NELL1: variants seen among roughly 807,000 people sequenced by gnomAD.
NELL1 encodes protein kinase C-binding protein NELL1.
Under a neutral mutation model 107.4 loss-of-function variants are expected in NELL1, and 76 were observed. The observed-to-expected ratio is 0.71, with a 90% CI of 0.59 to 0.86. The LOEUF is 0.86. Among genes scored for constraint, NELL1 ranks in the 40% least tolerant of loss-of-function variants. The pLI is 0.00. For synonymous variants in NELL1, 353 were observed against 341.2 expected (o/e 1.03, Z -0.38); for missense variants, 1,024 against 1,005.5 (o/e 1.02, Z -0.25).
chr11:21,015,401 C>T (rs1205352511), intron 12 of NELL1, among the ~76,000 whole-genome samples: 1 of 152,070 alleles, frequency 6.6e-6, no homozygotes, highest in Non-Finnish European at 1.5e-5. Flanking sequence ...TACCCTTTTC[C>T]CTGTGCTCAT....
Position 21,282,426 on chromosome 11 carries a change from G to C in NELL1, c.1549+52972G>C, listed in dbSNP as rs187083486. 8.2e-5 allele frequency among the ~76,000 whole-genome samples: 12 copies of C among 146,252 alleles called. No individual in the cohort carries two copies. In the East Asian group the frequency reaches 2.4e-3, roughly 29 times the overall value. ...GCTTGAGAGGTGGAGGTTGTAGTGA[G>C]CTGACATCATACCATGCACTCCAGC... On this transcript the variant is annotated intron_variant, in intron 14 of 19. Transcript: ENST00000357134.
intron 12 of NELL1, among the ~76,000 whole-genome samples, chr11:21,071,595 GGA>G (rs1854017110): frequency 6.6e-6 from 1 of 152,068 alleles, no homozygotes; most frequent in Admixed American, 6.6e-5. Flanking sequence ...GTGTAGCTTT[GGA>G]CAAAACAGTC....
At chr11:21,572,452 A>G (rs1031425042) in intron 18 of NELL1, among the ~76,000 whole-genome samples, 1 of 151,956 alleles carries the variant, frequency 6.6e-6, no homozygotes, top group African/African-American at 2.4e-5. Flanking sequence ...AGTCTTATGG[A>G]GATGACTGAA....
rs193257387 is a variant in NELL1, at chr11:21,209,348, T to A, written c.1427-19984T>A. Among the ~76,000 whole-genome samples the A allele has an allele frequency of 4.4e-3, 610 of 138,202 alleles. 5 individuals are homozygous for A. The highest frequency in any genetic ancestry group is 0.015 in the African/African-American group (572 of 37,394). The allele number at this position is 138,202 out of a possible 152,430, so 90.7% of individuals were successfully genotyped here. A position where few individuals can be genotyped will look rare whatever the true frequency, so the allele number is the denominator to read the frequency against. On this transcript the variant is annotated intron_variant, in intron 13 of 19. Coordinates refer to ENST00000357134, the MANE Select transcript of NELL1 (RefSeq NM_006157.5). Reference sequence around the variant, plus strand: ...TGTATATATTATATATATATATATATAAAATACATAATTACTTCTTACCCC... The same window carrying A: ...TGTATATATTATATATATATATATAAAAAATACATAATTACTTCTTACCCC...
chr11:20,797,294 G>T (rs912329494), intron 3 of NELL1, among the ~76,000 whole-genome samples: 2 of 152,172 alleles, frequency 1.3e-5, no homozygotes, highest in Non-Finnish European at 2.9e-5. Flanking sequence ...GCCGGGCGCG[G>T]TGGCTCGCGC....
chr11:20,872,602 AAGTCCTGAAAG>A, intron 4 of NELL1, among the ~76,000 whole-genome samples: 1 of 151,976 alleles, frequency 6.6e-6, no homozygotes, highest in Non-Finnish European at 1.5e-5. Flanking sequence ...GTGGTTTCCA[AAGTCCTGAAAG>A]AGTCAGAAAG....
chr11:21,265,222 G>A (rs1375502378), intron 14 of NELL1, among the ~76,000 whole-genome samples: 1 of 151,976 alleles, frequency 6.6e-6, no homozygotes, highest in African/African-American at 2.4e-5. Context: ...AATTCAGCAT[G>A]AATAATGTGA....
intron 12 of NELL1, among the ~76,000 whole-genome samples, chr11:21,112,540 T>C (rs1054639587): frequency 6.6e-5 from 10 of 152,050 alleles, no homozygotes; most frequent in Admixed American, 2.6e-4. Flanking sequence ...TCTAACAGGA[T>C]GACTTTATGC....
At chr11:20,831,379 T>C (rs796862934) in intron 3 of NELL1, among the ~76,000 whole-genome samples, 53 of 152,292 alleles carry the variant, frequency 3.5e-4, no homozygotes, top group African/African-American at 1.2e-3. Flanking sequence ...AGGAACACTT[T>C]TAAAGTGTTT....
chr11:20,913,972 A>G (rs1052406712), intron 5 of NELL1, among the ~76,000 whole-genome samples: 1 of 152,086 alleles, frequency 6.6e-6, no homozygotes, highest in Non-Finnish European at 1.5e-5. Flanking sequence ...ATTGGTATCT[A>G]TCTATTAAGG....
intron 13 of NELL1, 69 bp from the exon 14 acceptor site, chr11:21,229,263 A>G (rs1857978424): frequency 6.4e-7 from 1 of 1,573,270 alleles, no homozygotes; most frequent in Middle Eastern, 1.7e-4. Context: ...AATTCCAGCT[A>G]CATTTCCCAA....
chr11:21,028,553 G>T (rs1052608899), intron 12 of NELL1, among the ~76,000 whole-genome samples: 1 of 152,068 alleles, frequency 6.6e-6, no homozygotes, highest in African/African-American at 2.4e-5. Context: ...ATTTCCCCAA[G>T]AATCTACTAC....
chr11:20,960,684 A>G (rs1419109321), intron 12 of NELL1, 124 bp downstream of exon 12: 1 of 1,070,128 alleles, frequency 9.3e-7, no homozygotes, highest in Non-Finnish European at 1.4e-6. Flanking sequence ...ATAAGAAATC[A>G]TATCAATTGC....
chr11:21,340,170 T>G (rs1850527218), intron 14 of NELL1, among the ~76,000 whole-genome samples: 1 of 152,226 alleles, frequency 6.6e-6, no homozygotes, highest in African/African-American at 2.4e-5. Context: ...TTTTTGTTTT[T>G]GAGACGGAGT....
chr11:21,072,901 A>G (rs1043499516), intron 12 of NELL1, among the ~76,000 whole-genome samples: 1 of 152,126 alleles, frequency 6.6e-6, no homozygotes, highest in Non-Finnish European at 1.5e-5. Flanking sequence ...TGTAGCCCAT[A>G]TTTCATTAAC....
chr11:21,288,395 T>C (rs1849175331), intron 14 of NELL1, among the ~76,000 whole-genome samples: 1 of 152,250 alleles, frequency 6.6e-6, no homozygotes, highest in Non-Finnish European at 1.5e-5. Context: ...ATCAGTTTAC[T>C]GTGCTTTGTT....
intron 4 of NELL1, among the ~76,000 whole-genome samples, chr11:20,862,966 T>A (rs1849007784): frequency 6.6e-6 from 1 of 152,164 alleles, no homozygotes; most frequent in Non-Finnish European, 1.5e-5. Context: ...GAATTTTTCT[T>A]AGTACAGAAC....
chr11:20,698,305 C>G (rs1590213832), intron 2 of NELL1, among the ~76,000 whole-genome samples: 1 of 152,130 alleles, frequency 6.6e-6, no homozygotes, highest in African/African-American at 2.4e-5. Flanking sequence ...TATCGTAGAG[C>G]AAATAAACTG....
chr11:21,511,545 G>T (rs1029663445), intron 15 of NELL1, among the ~76,000 whole-genome samples: 2 of 152,142 alleles, frequency 1.3e-5, no homozygotes, highest in African/African-American at 4.8e-5. Flanking sequence ...TCAAATACTG[G>T]TTAATGCTAG....
Sources: gnomAD v4.1 joint callset for allele counts (sites outside exome capture counted in the v4.1 genomes callset) on GRCh38, gnomAD v4.1.1 for gene constraint, MANE v1.5 for transcripts, NCBI Gene and HGNC (gene_info 2026-07-23, HGNC 2026-07-21) for gene names.